PGF: variants seen among roughly 807,000 people sequenced by gnomAD.
PGF encodes placental growth factor.
A neutral mutation model predicts 25.3 loss-of-function variants in PGF; 11 were observed. The observed-to-expected ratio is 0.43, with a 90% CI of 0.27 to 0.72. The LOEUF (loss-of-function observed/expected upper bound fraction) is 0.72, where lower values mean the gene tolerates loss of function less well. Ranked by LOEUF, PGF falls within the 30% of genes least tolerant of loss-of-function variation. The pLI is 0.18. For missense variants in PGF, 230 were observed against 234.9 expected (o/e 0.98, Z 0.14); for synonymous variants, 105 against 97.9 (o/e 1.07, Z -0.43).
rs1438862565 is a variant in PGF, at chr14:74,953,627, C to T, written c.118+277G>A. On this transcript the variant is annotated intron_variant, in intron 2 of 6. Transcript: ENST00000555567. The surrounding 1 kb of genome is among the most constrained non-coding windows in gnomAD (Gnocchi z 5.4). ...ACCCCATCCATACCCTTAAATCATGCTGGGGAAGGGCTCTGAGCCAGCTGG... is the reference window on the plus strand; with the variant it reads ...ACCCCATCCATACCCTTAAATCATGTTGGGGAAGGGCTCTGAGCCAGCTGG... Among the ~76,000 whole-genome samples, 1 of 152,144 alleles carries T rather than the reference C, an allele frequency of 6.6e-6. No individual in the cohort carries two copies. The highest frequency in any genetic ancestry group is 2.4e-5 in the African/African-American group (1 of 41,420).
intron 1 of PGF, among the ~76,000 whole-genome samples, chr14:74,954,817 G>A (rs1888947874): frequency 6.6e-6 from 1 of 152,112 alleles, no homozygotes; most frequent in South Asian, 2.1e-4. Flanking sequence ...GGGGACGCCT[G>A]GTTGGCCATG....
In PGF at chr14:74,949,503, T is replaced by A; in HGVS notation, c.169A>T (p.Arg57Trp). Residue 57 changes from arginine (R) to tryptophan (W), a missense_variant, in exon 3 of 7, where the codon AGG becomes TGG. By Grantham distance (101) the Arg-to-Trp change is moderately radical. Transcript: ENST00000555567. ...WGRSYCRALE[R>W]LVDVVSEYPS... ...TACTCGGACACGACGTCCACCAGCC[T>A]CTCCAGCGCCCGGCAGTAGCTGCGG... 1 of 1,606,048 alleles carries A rather than the reference T, an allele frequency of 6.2e-7. No individual in the cohort carries two copies. Among genetic ancestry groups the A allele is most frequent in the Non-Finnish European group, 8.5e-7 (1 of 1,176,762 alleles).
In PGF at chr14:74,953,771, C is replaced by A; in HGVS notation, c.118+133G>T. 2.2e-6 allele frequency: 2 copies of A among 905,778 alleles called. No individual in the cohort carries two copies. The highest frequency in any genetic ancestry group is 3.7e-6 in the Non-Finnish European group (2 of 545,214). The allele number at this position is 905,778 out of a possible 1,614,324, so 56.1% of individuals were successfully genotyped here. On this transcript the variant is annotated intron_variant, in intron 2 of 6. Transcript: ENST00000555567. This position sits in a 1 kb window ranked among gnomAD's most constrained non-coding sequence, Gnocchi z 5.4. ...CTCTTAGGCCCTGCCAAAGTCATCA[C>A]CCAGCATGTCTAGCTTGTAGGCTCT...
At chr14:74,949,627 G>A (rs1594987937) in intron 2 of PGF, 74 bp from the exon 3 acceptor site, 1 of 1,194,566 alleles carries the variant, frequency 8.4e-7, no homozygotes, top group Non-Finnish European at 1.1e-6. Flanking sequence ...GGCTCCCAAG[G>A]CCCTGCTGGC....
chr14:74,947,480 G>C (rs1304110600), intron 4 of PGF: 1 of 152,276 alleles, frequency 6.6e-6, no homozygotes, highest in Non-Finnish European at 1.5e-5. Context: ...AAAAACGAAG[G>C]CTTACGAGTT....
chr14:74,953,172 A>G lies in PGF; in HGVS notation c.118+732T>C, dbSNP rs1176354059. Among the ~76,000 whole-genome samples the G allele has an allele frequency of 6.6e-6, 1 of 152,214 alleles. No homozygotes were observed. Among genetic ancestry groups the G allele is most frequent in the Admixed American group, 6.5e-5 (1 of 15,290 alleles). On this transcript the variant is annotated intron_variant, in intron 2 of 6. Transcript: ENST00000555567. The surrounding 1 kb of genome is among the most constrained non-coding windows in gnomAD (Gnocchi z 5.4). Reference sequence around the variant, plus strand: ...AGCAGAGGGTGTTCCCAGCACGCAGATGGCTATCACGCGTGTGCGTGTGCA... The same window carrying G: ...AGCAGAGGGTGTTCCCAGCACGCAGGTGGCTATCACGCGTGTGCGTGTGCA...
At chr14:74,947,928 C>T (rs1888777829) in intron 4 of PGF, 1 of 152,342 alleles carries the variant, frequency 6.6e-6, no homozygotes, top group Non-Finnish European at 1.5e-5. Flanking sequence ...TTCCAAGTGC[C>T]CCCAGCACAG....
In PGF at chr14:74,951,933, G is replaced by A. The variant is rs79568669; in HGVS notation, c.118+1971C>T. Among the ~76,000 whole-genome samples the A allele has an allele frequency of 6.6e-5, 10 of 152,294 alleles. No individual in the cohort carries two copies. The East Asian group carries it at 1.9e-3, about 29-fold the overall frequency. The stretch of plus-strand genomic sequence containing the variant: ...AGTACAGTGACCGCTCCCAGATGTG[G>A]GCTGTGTCCCTCAGGAAAGAGCTCT... On this transcript the variant is annotated intron_variant, in intron 2 of 6. Transcript: ENST00000555567.
At chr14:74,947,096 C>G (rs1236629975) in intron 4 of PGF, 1 of 493,812 alleles carries the variant, frequency 2.0e-6, no homozygotes, top group African/African-American at 1.9e-5. Context: ...CTACCCTCAG[C>G]TGGTTCCTCC....
rs1888963407 is a variant in PGF, at chr14:74,955,326, G to C, written c.-84C>G. 1.3e-6 allele frequency: 1 copy of C among 767,164 alleles called. No homozygotes were observed. Among genetic ancestry groups the C allele is most frequent in the African/African-American group, 1.8e-5 (1 of 54,860 alleles). The allele number at this position is 767,164 out of a possible 1,614,324, so 47.5% of individuals were successfully genotyped here. A position where few individuals can be genotyped will look rare whatever the true frequency, so the allele number is the denominator to read the frequency against. Reference sequence around the variant, plus strand: ...GGGAGCCCCTGGCACAGGAGGAGAAGAGCTGAGTGGGGGGCTGGACGCCTC... The same window carrying C: ...GGGAGCCCCTGGCACAGGAGGAGAACAGCTGAGTGGGGGGCTGGACGCCTC... On this transcript the variant is annotated 5_prime_UTR_variant, in exon 1 of 7. Transcript: ENST00000555567. This position sits in a 1 kb window ranked among gnomAD's most constrained non-coding sequence, Gnocchi z 4.1.
In PGF at chr14:74,946,399, C is replaced by T. The variant is rs1257380522; in HGVS notation, c.402G>A (p.Arg134=). 2 of 1,610,766 alleles carry T rather than the reference C, an allele frequency of 1.2e-6. No homozygotes were observed. The highest frequency in any genetic ancestry group is 1.3e-5 in the African/African-American group (1 of 74,884). ...QHVRCECRPL[R]EKMKPERRRP... ...CTTACCTTTCCGGCTTCATCTTCTC[C>T]CGCAGAGGCCTAGGGAAACAGACAG... Residue 134 remains arginine (R), a synonymous_variant, in exon 5 of 7, where the codon CGG becomes CGA. Transcript: ENST00000555567.
At chr14:74,948,308 G>C (rs915666112) in intron 4 of PGF, 199 bp downstream of exon 4, 1 of 478,736 alleles carries the variant, frequency 2.1e-6, no homozygotes, top group African/African-American at 2.0e-5. Flanking sequence ...CAGCTCCCTT[G>C]GCAAAACTGG....
At chr14:74,946,717 G>A (rs1888746266) in intron 4 of PGF, 4 of 697,412 alleles carry the variant, frequency 5.7e-6, no homozygotes, top group Non-Finnish European at 1.1e-5. Context: ...GTTCTCTGTT[G>A]CTTTTTCTTT....
At chr14:74,946,151 G>T in intron 6 of PGF, 62 bp downstream of exon 6, 1 of 1,515,824 alleles carries the variant, frequency 6.6e-7, no homozygotes, top group Non-Finnish European at 9.1e-7. Context: ...TAACCCTGGC[G>T]GCAAGGCGGG....
chr14:74,952,505 T>C (rs1453395608), intron 2 of PGF, among the ~76,000 whole-genome samples: 1 of 152,222 alleles, frequency 6.6e-6, no homozygotes, highest in Non-Finnish European at 1.5e-5. Context: ...CTTCACAGCC[T>C]GTGGTCAAAA....
chr14:74,953,808 A>G lies in PGF; in HGVS notation c.118+96T>C. 1 of 1,272,162 alleles carries G rather than the reference A, an allele frequency of 7.9e-7. No homozygotes were observed. The highest frequency in any genetic ancestry group is 1.2e-5 in the South Asian group (1 of 84,202). 78.8% of individuals were successfully genotyped at this position (1,272,162 alleles called of 1,614,324 possible). A position where few individuals can be genotyped will look rare whatever the true frequency, so the allele number is the denominator to read the frequency against. On this transcript the variant is annotated intron_variant, in intron 2 of 6. Coordinates refer to ENST00000555567, the MANE Select transcript of PGF (RefSeq NM_002632.6). This position sits in a 1 kb window ranked among gnomAD's most constrained non-coding sequence, Gnocchi z 5.4. Reference sequence around the variant, plus strand: ...AGCTTGTAGGCTCTCCCCAGCTTTTATCAACCTGCACCCACGCTTCATGCC... The same window carrying G: ...AGCTTGTAGGCTCTCCCCAGCTTTTGTCAACCTGCACCCACGCTTCATGCC...
intron 4 of PGF, 54 bp from the exon 5 acceptor site, chr14:74,946,462 G>C: frequency 1.3e-6 from 2 of 1,549,214 alleles, no homozygotes. Context: ...GCAATAAGTG[G>C]GGCTCCCTGC....
chr14:74,944,686 T>C (rs1888686063), intron 6 of PGF: 1 of 151,312 alleles, frequency 6.6e-6, no homozygotes, highest in Non-Finnish European at 1.5e-5. Flanking sequence ...GTTGGGACTA[T>C]AGGCACATGG....
chr14:74,955,651 C>T (rs1888975138), upstream of PGF: 1 of 157,820 alleles, frequency 6.3e-6, no homozygotes, highest in South Asian at 2.1e-4. The surrounding 1 kb of genome is among the most constrained non-coding windows in gnomAD (Gnocchi z 4.1). Context: ...GGGCGGGGCT[C>T]CGGGCCGGCC....
Sources: gnomAD v4.1 joint callset for allele counts (sites outside exome capture counted in the v4.1 genomes callset) on GRCh38, gnomAD v4.1.1 for gene constraint, Gnocchi (gnomAD v3.1) non-coding constraint, MANE v1.5 for transcripts, NCBI Gene and HGNC (gene_info 2026-07-23, HGNC 2026-07-21) for gene names.